The following RFX3 variants were observed in gnomAD, a reference collection of about 807,000 sequenced individuals.
The protein encoded by RFX3 is transcription factor RFX3.
RFX3 carries 14 observed loss-of-function variants against 98.6 expected under a neutral mutation model. The observed-to-expected ratio is 0.14, with a 90% CI of 0.09 to 0.22. The LOEUF (loss-of-function observed/expected upper bound fraction) is 0.22. Ranked by LOEUF, RFX3 falls within the 10% of genes least tolerant of loss-of-function variation. RFX3 has a pLI of 1.00. For missense variants in RFX3, 639 were observed against 926.9 expected, an observed-to-expected ratio of 0.69 and a Z score of 4.03; for synonymous variants, 383 against 328.4, an observed-to-expected ratio of 1.17 and a Z score of -1.80.
chr9:3,312,963 G>A (rs553151998), intron 4 of RFX3, among the ~76,000 whole-genome samples: 29 of 152,336 alleles, frequency 1.9e-4, no homozygotes, highest in African/African-American at 7.0e-4. Flanking sequence ...ACAAAAGGCA[G>A]CAGAAACTTC....
At chr9:3,354,685 C>T (rs1168332454) in intron 2 of RFX3, among the ~76,000 whole-genome samples, 1 of 151,482 alleles carries the variant, frequency 6.6e-6, no homozygotes, top group Admixed American at 6.6e-5. Flanking sequence ...AGCAGACAGC[C>T]AATGAAGATA....
intron 1 of RFX3, chr9:3,489,471 T>C (rs1421206080): frequency 3.1e-6 from 3 of 970,138 alleles, no homozygotes; most frequent in African/African-American, 1.8e-5. Flanking sequence ...AACAAAACTA[T>C]TATTGAGTAG....
At chr9:3,390,051 G>A (rs1189674939) in intron 2 of RFX3, among the ~76,000 whole-genome samples, 1 of 152,180 alleles carries the variant, frequency 6.6e-6, no homozygotes, top group African/African-American at 2.4e-5. Flanking sequence ...GGTGAAATTA[G>A]AAGCCTTATG....
chr9:3,322,709 G>C (rs1831453504), intron 4 of RFX3, among the ~76,000 whole-genome samples: 1 of 152,062 alleles, frequency 6.6e-6, no homozygotes, highest in Admixed American at 6.6e-5. Flanking sequence ...CTCCAGCCTG[G>C]GTGACAGAGT....
chr9:3,433,750 G>A (rs1030806022), intron 1 of RFX3, among the ~76,000 whole-genome samples: 4 of 152,150 alleles, frequency 2.6e-5, no homozygotes, highest in African/African-American at 7.2e-5. Context: ...TATCTGTCAC[G>A]CTACTTGTTT....
intron 3 of RFX3, among the ~76,000 whole-genome samples, chr9:3,343,889 T>C (rs1373468694): frequency 1.3e-5 from 2 of 152,216 alleles, no homozygotes; most frequent in Admixed American, 1.3e-4. Flanking sequence ...ACCTCATTAG[T>C]CATGATCTAA....
chr9:3,319,320 A>G (rs1164007002), intron 4 of RFX3, among the ~76,000 whole-genome samples: 1 of 151,074 alleles, frequency 6.6e-6, no homozygotes, highest in Non-Finnish European at 1.5e-5. Flanking sequence ...GAGGATGCAC[A>G]CTCAAGTTTG....
chr9:3,449,750 G>C (rs570779178), intron 1 of RFX3, among the ~76,000 whole-genome samples: 20 of 152,048 alleles, frequency 1.3e-4, no homozygotes, highest in African/African-American at 4.1e-4. Flanking sequence ...CCACTCCAGA[G>C]GCTGAGGCAG....
Position 3,238,928 on chromosome 9 carries a change from G to A in RFX3, c.1968+9104C>T, listed in dbSNP as rs1364837046. Among the ~76,000 whole-genome samples, 15 of 151,898 alleles carry A rather than the reference G, an allele frequency of 9.9e-5. No homozygotes were observed. The South Asian group carries it at 3.1e-3, about 32-fold the overall frequency. ...GAATCGCTTGAACCCGGGAGGCAGA[G>A]GCTGTGTCATAGTGAGCCGAGATCA... On this transcript the variant is annotated intron_variant, in intron 15 of 16. Coordinates refer to ENST00000617270, the MANE Select transcript of RFX3 (RefSeq NM_001282116.2).
intron 3 of RFX3, among the ~76,000 whole-genome samples, chr9:3,341,533 A>G (rs887819859): frequency 1.3e-5 from 2 of 152,208 alleles, no homozygotes; most frequent in African/African-American, 4.8e-5. Context: ...GGTCAGCAGT[A>G]TCTCAATTCA....
chr9:3,356,572 C>G (rs893547533), intron 2 of RFX3, among the ~76,000 whole-genome samples: 25 of 151,834 alleles, frequency 1.6e-4, no homozygotes, highest in African/African-American at 5.8e-4. Flanking sequence ...AATTGCCAAT[C>G]TAACACAAAT....
intron 13 of RFX3, among the ~76,000 whole-genome samples, chr9:3,258,867 AAC>A (rs1012926745): frequency 7.0e-4 from 106 of 151,238 alleles, no homozygotes; most frequent in African/African-American, 2.5e-3. Flanking sequence ...TGTATTATAA[AAC>A]ACATATATCT....
intron 1 of RFX3, among the ~76,000 whole-genome samples, chr9:3,522,556 CGTGTGTGTGTGT>C (rs111656079): frequency 4.8e-5 from 7 of 145,378 alleles, no homozygotes; most frequent in African/African-American, 1.2e-4. Flanking sequence ...AGTGTGTGTG[CGTGTGTGTGTGT>C]GTGTGTGTGT....
chr9:3,453,466 T>C (rs893519469), intron 1 of RFX3: 4 of 151,812 alleles, frequency 2.6e-5, no homozygotes, highest in Non-Finnish European at 5.9e-5. Flanking sequence ...TGTCAGCACT[T>C]TGGGAGGCCA....
At chr9:3,410,161 CTG>C (rs555349379) in intron 1 of RFX3, among the ~76,000 whole-genome samples, 7,628 of 113,994 alleles carry the variant, frequency 0.067, 237 homozygotes, top group East Asian at 0.1. Context: ...GTGAGATAAA[CTG>C]TGTGTGTGTG....
chr9:3,499,716 T>C (rs1250207269), intron 1 of RFX3, among the ~76,000 whole-genome samples: 2 of 152,112 alleles, frequency 1.3e-5, no homozygotes, highest in African/African-American at 4.8e-5. Context: ...ATAAGATATT[T>C]GGAGACCAAG....
chr9:3,442,930 G>A (rs998584420), intron 1 of RFX3, among the ~76,000 whole-genome samples: 1 of 152,046 alleles, frequency 6.6e-6, no homozygotes, highest in Non-Finnish European at 1.5e-5. Context: ...GAAAGACACT[G>A]TACAGGAATG....
intron 7 of RFX3, among the ~76,000 whole-genome samples, chr9:3,287,413 A>G (rs1217740132): frequency 6.6e-6 from 1 of 151,962 alleles, no homozygotes; most frequent in Non-Finnish European, 1.5e-5. Flanking sequence ...CTAAATTGTG[A>G]CATAAGTCAC....
chr9:3,524,680 G>C (rs375325403), intron 1 of RFX3: 1 of 936,156 alleles, frequency 1.1e-6, no homozygotes, highest in African/African-American at 1.8e-5. Flanking sequence ...AATGAAAATT[G>C]TTAACACTCT....
Sources: gnomAD v4.1 joint callset for allele counts (sites outside exome capture counted in the v4.1 genomes callset) on GRCh38, gnomAD v4.1.1 for gene constraint, MANE v1.5 for transcripts, NCBI Gene and HGNC (gene_info 2026-07-23, HGNC 2026-07-21) for gene names.